Variants in EDA observed in about 807,000 individuals in gnomAD.
EDA encodes the protein ectodysplasin-A.
In EDA, 2 loss-of-function variants were observed where a neutral mutation model predicts 23.6. The ratio of observed to expected loss-of-function variants is 0.08; its 90% confidence interval spans 0.03 to 0.27. EDA has a LOEUF of 0.27. EDA is among the 10% of genes least tolerant of loss of function. The pLI is 1.00. For missense variants in EDA, 229 were observed against 324.2 expected, an observed-to-expected ratio of 0.71 and a Z score of 2.26; for synonymous variants, 131 against 132.0, an observed-to-expected ratio of 0.99 and a Z score of 0.05.
At chrX:69,744,740 G>A (rs778295230) in intron 1 of EDA, among the ~76,000 whole-genome samples, 7 of 112,174 alleles carry the variant, frequency 6.2e-5, no homozygotes, top group African/African-American at 9.7e-5. Flanking sequence ...GCAAGGGTTG[G>A]TTGCAGTTAG....
intron 2 of EDA, among the ~76,000 whole-genome samples, chrX:70,005,950 A>G (rs2019797594): frequency 8.9e-6 from 1 of 112,082 alleles, no homozygotes; most frequent in East Asian, 2.8e-4. Flanking sequence ...CCAGACTGCC[A>G]TATGGTTGGA....
intron 1 of EDA, among the ~76,000 whole-genome samples, chrX:69,740,558 C>G (rs1207281776): frequency 9.0e-6 from 1 of 110,868 alleles, no homozygotes; most frequent in Non-Finnish European, 1.9e-5. Context: ...TTGTTTTTCT[C>G]TAGTTACTTT....
chrX:69,753,114 G>A (rs745480602), intron 1 of EDA, among the ~76,000 whole-genome samples: 2 of 111,205 alleles, frequency 1.8e-5, no homozygotes, highest in East Asian at 5.7e-4. Context: ...CTTGCCTTCT[G>A]CTAGCTTTTG....
intron 1 of EDA, among the ~76,000 whole-genome samples, chrX:69,656,222 A>G (rs1009769042): frequency 9.0e-6 from 1 of 111,076 alleles, no homozygotes; most frequent in African/African-American, 3.3e-5. Context: ...TGAGCCTTTC[A>G]CAATGCTCCT....
At chrX:69,749,046 T>C (rs1360983444) in intron 1 of EDA, among the ~76,000 whole-genome samples, 2 of 94,025 alleles carry the variant, frequency 2.1e-5, no homozygotes, top group Admixed American at 1.2e-4. Flanking sequence ...CACTAACTCG[T>C]CATCTAGCAT....
chrX:69,732,095 GATTT>G (rs138512692), intron 1 of EDA, among the ~76,000 whole-genome samples: 33,237 of 110,042 alleles, frequency 0.3, 4,844 homozygotes, highest in Middle Eastern at 0.55. Context: ...TTTTATTGAA[GATTT>G]ATTTATTTAT....
rs397516677 is a variant in EDA at position 70,033,475 on chromosome X, G to A, written c.871G>A (p.Gly291Arg). The A allele has an allele frequency of 8.3e-7, 1 of 1,211,786 alleles. No individual in the cohort carries two copies. The highest frequency in any genetic ancestry group is 1.1e-6 in the Non-Finnish European group (1 of 895,443). Residue 291 changes from glycine (G) to arginine (R), a missense_variant, in exon 7 of 8, where the codon GGG (glycine) becomes AGG (arginine). Coordinates refer to ENST00000374552, the MANE Select transcript of EDA (RefSeq NM_001399.5). ...GGTGTTTAAGCTACATCCCCGCAGCGGGGAGCTGGAGGTACTGGTGGACGG... is the reference window on the plus strand; with the variant it reads ...GGTGTTTAAGCTACATCCCCGCAGCAGGGAGCTGGAGGTACTGGTGGACGG... ...PKVFKLHPRS[G>R]ELEVLVDGTY...
At chrX:69,944,637 G>T (rs1044468280) in intron 1 of EDA, among the ~76,000 whole-genome samples, 5 of 111,421 alleles carry the variant, frequency 4.5e-5, no homozygotes, top group Admixed American at 2.9e-4. Flanking sequence ...CACTGCTTTT[G>T]GTTGAGGGAG....
chrX:69,877,943 A>C (rs1251305940), intron 1 of EDA, among the ~76,000 whole-genome samples: 1 of 112,481 alleles, frequency 8.9e-6, no homozygotes, highest in African/African-American at 3.2e-5. Flanking sequence ...AATTACTTTG[A>C]CATCTTTGTC....
At chrX:69,709,661 T>C (rs1192340961) in intron 1 of EDA, among the ~76,000 whole-genome samples, 1 of 111,365 alleles carries the variant, frequency 9.0e-6, no homozygotes, top group African/African-American at 3.3e-5. Flanking sequence ...CTTTAAACTG[T>C]TTTCAGCATT....
intron 1 of EDA, among the ~76,000 whole-genome samples, chrX:69,934,653 G>A (rs2018645586): frequency 9.1e-6 from 1 of 110,293 alleles, no homozygotes; most frequent in African/African-American, 3.3e-5. Context: ...TACATAGTAG[G>A]TATATATATA....
intron 1 of EDA, among the ~76,000 whole-genome samples, chrX:69,735,231 GAATATTTTGTATGTGTA>G (rs2013209553): frequency 1.9e-5 from 2 of 106,944 alleles, no homozygotes; most frequent in Admixed American, 2.0e-4. Context: ...ACATACAACA[GAATATTTTGTATGTGTA>G]TATACACATA....
intron 1 of EDA, among the ~76,000 whole-genome samples, chrX:69,767,501 T>C (rs773045254): frequency 1.8e-5 from 2 of 111,530 alleles, no homozygotes; most frequent in Non-Finnish European, 3.8e-5. Context: ...TTTTACTCAG[T>C]ATAATTATTT....
intron 1 of EDA, among the ~76,000 whole-genome samples, chrX:69,667,914 G>C (rs746728921): frequency 7.2e-5 from 8 of 111,617 alleles, no homozygotes; most frequent in Admixed American, 2.8e-4. Flanking sequence ...TTTATAACAA[G>C]CCCACTCTCA....
At chrX:69,897,350 T>C (rs1388415650) in intron 1 of EDA, among the ~76,000 whole-genome samples, 2 of 111,874 alleles carry the variant, frequency 1.8e-5, no homozygotes, top group Non-Finnish European at 3.8e-5. Context: ...ATTCTGAATA[T>C]AAATGTACCT....
At chrX:69,909,457 C>T (rs1898928316) in intron 1 of EDA, among the ~76,000 whole-genome samples, 2 of 111,777 alleles carry the variant, frequency 1.8e-5, no homozygotes, top group East Asian at 2.8e-4. Flanking sequence ...TGTACCACCA[C>T]GCCCAGCATT....
intron 1 of EDA, among the ~76,000 whole-genome samples, chrX:69,863,605 ATG>A (rs200367756): frequency 0.22 from 21,037 of 96,641 alleles, 1,820 homozygotes; most frequent in East Asian, 0.26. Flanking sequence ...ATGTATATAT[ATG>A]TGTGTATATA....
chrX:69,859,874 C>T (rs543557242), intron 1 of EDA, among the ~76,000 whole-genome samples: 3 of 111,688 alleles, frequency 2.7e-5, no homozygotes, highest in African/African-American at 9.8e-5. Context: ...TTGAAGGTCT[C>T]TAAGAACTTG....
intron 1 of EDA, among the ~76,000 whole-genome samples, chrX:69,655,770 A>C (rs1264353585): frequency 2.3e-5 from 2 of 85,846 alleles, no homozygotes; most frequent in Non-Finnish European, 4.3e-5. Context: ...ATCTATATAT[A>C]TATATATATA....
Sources: allele counts gnomAD v4.1 joint callset (sites outside exome capture counted in the v4.1 genomes callset), GRCh38; gene constraint gnomAD v4.1.1; transcripts MANE v1.5; gene names NCBI Gene and HGNC (gene_info 2026-07-23, HGNC 2026-07-21).